Variants in RBM47 observed in about 807,000 individuals in gnomAD.
RBM47 encodes RNA-binding protein 47.
Under a neutral mutation model 47.1 loss-of-function variants are expected in RBM47, and 21 were observed. That is an observed-to-expected ratio of 0.45 (90% CI 0.32 to 0.64). RBM47 has a LOEUF of 0.64. Ranked by LOEUF, RBM47 falls within the 30% of genes least tolerant of loss-of-function variation. The pLI, the probability that RBM47 is intolerant of heterozygous loss-of-function variation, is 0.05. For missense variants in RBM47, 708 were observed against 870.9 expected (o/e 0.81, Z 2.35); for synonymous variants, 375 against 361.7 (o/e 1.04, Z -0.42).
chr4:40,465,940 C>T (rs1469964754), intron 3 of RBM47, among the ~76,000 whole-genome samples: 1 of 152,084 alleles, frequency 6.6e-6, no homozygotes, highest in Non-Finnish European at 1.5e-5. Context: ...AACCCAGCCT[C>T]GTGTCACACA....
At chr4:40,532,721 T>C (rs565988155) in intron 2 of RBM47, among the ~76,000 whole-genome samples, 1 of 151,994 alleles carries the variant, frequency 6.6e-6, no homozygotes, top group Admixed American at 6.6e-5. Flanking sequence ...CCACTTCTTA[T>C]TGGAGTCTAA....
chr4:40,541,485 C>A (rs897210254), intron 2 of RBM47, among the ~76,000 whole-genome samples: 2 of 152,086 alleles, frequency 1.3e-5, no homozygotes, highest in Non-Finnish European at 2.9e-5. Context: ...GCCTGTAATC[C>A]CAGCACTTTG....
At chr4:40,484,460 T>G (rs1200478953) in intron 2 of RBM47, among the ~76,000 whole-genome samples, 1 of 151,984 alleles carries the variant, frequency 6.6e-6, no homozygotes, top group Non-Finnish European at 1.5e-5. Context: ...GTTTCCTAGC[T>G]GACACCTTTC....
chr4:40,519,458 C>T (rs1045000971), intron 2 of RBM47, among the ~76,000 whole-genome samples: 27 of 151,506 alleles, frequency 1.8e-4, no homozygotes, highest in African/African-American at 3.9e-4. Context: ...CCACCACACC[C>T]GGCTAATTTT....
In RBM47 at chr4:40,573,805, GA is replaced by G. The variant is rs771104130; in HGVS notation, c.-239-29300del. Among the ~76,000 whole-genome samples the G allele has an allele frequency of 3.5e-3, 162 of 46,538 alleles. 1 individual carries two copies. The highest frequency in any genetic ancestry group is 9.3e-3 in the Middle Eastern group (1 of 108). 30.5% of individuals were successfully genotyped at this position (46,538 alleles called of 152,430 possible). A position where few individuals can be genotyped will look rare whatever the true frequency, so the allele number is the denominator to read the frequency against. On this transcript the variant is annotated intron_variant, in intron 1 of 6. Coordinates refer to ENST00000295971, the MANE Select transcript of RBM47 (RefSeq NM_001098634.2). ...AGAAAGAGAGAGAGAGAGAAAGAAA[GA>G]AAAAGAAAGAAAGAAAGAAAGAAAG...
At chr4:40,431,419 G>A in intron 6 of RBM47, among the ~76,000 whole-genome samples, 1 of 152,186 alleles carries the variant, frequency 6.6e-6, no homozygotes, top group South Asian at 2.1e-4. Context: ...AGCACTTTGG[G>A]AGGCCAAGGT....
intron 3 of RBM47, among the ~76,000 whole-genome samples, chr4:40,445,981 C>A (rs749005040): frequency 2.0e-5 from 3 of 152,214 alleles, no homozygotes; most frequent in Non-Finnish European, 4.4e-5. Context: ...ACTGGGCATT[C>A]TGGTTTAGGC....
intron 2 of RBM47, among the ~76,000 whole-genome samples, chr4:40,519,659 C>CTTTT (rs35250968): frequency 1.7e-4 from 16 of 96,290 alleles, no homozygotes; most frequent in South Asian, 3.8e-4. Context: ...CCCTACCCTC[C>CTTTT]TTTTTTTTTT....
intron 2 of RBM47, among the ~76,000 whole-genome samples, chr4:40,492,621 T>G (rs1209591517): frequency 6.6e-6 from 1 of 152,208 alleles, no homozygotes; most frequent in South Asian, 2.1e-4. Flanking sequence ...AACCTCACCA[T>G]GCAGAATTAT....
intron 1 of RBM47, among the ~76,000 whole-genome samples, chr4:40,549,115 G>GC (rs1408939359): frequency 6.7e-6 from 1 of 150,198 alleles, no homozygotes; most frequent in East Asian, 1.9e-4. Context: ...TTTTTGGGGG[G>GC]GGGGACACAG....
chr4:40,560,270 TG>T (rs1468219837), intron 1 of RBM47, among the ~76,000 whole-genome samples: 2 of 152,204 alleles, frequency 1.3e-5, no homozygotes, highest in Non-Finnish European at 2.9e-5. Flanking sequence ...ATGCTTTCTG[TG>T]CTGCCTAAGG....
intron 3 of RBM47, among the ~76,000 whole-genome samples, chr4:40,464,372 C>G (rs1002559969): frequency 9.2e-5 from 14 of 152,132 alleles, no homozygotes; most frequent in Admixed American, 4.6e-4. Context: ...ATATATAATA[C>G]ATACCTATGA....
intron 1 of RBM47, among the ~76,000 whole-genome samples, chr4:40,564,617 A>G (rs1730929804): frequency 6.6e-6 from 1 of 152,248 alleles, no homozygotes; most frequent in African/African-American, 2.4e-5. Context: ...ATCATCAAAC[A>G]TGAAGCAATA....
chr4:40,588,992 CTTTTTTTTTTTTT>C (rs34195998), intron 1 of RBM47, among the ~76,000 whole-genome samples: 19 of 79,446 alleles, frequency 2.4e-4, no homozygotes, highest in Admixed American at 1.8e-3. Context: ...TAAAGCGTTT[CTTTTTTTTTTTTT>C]TTTTTTTTTT....
Position 40,468,882 on chromosome 4 carries a change from A to G in RBM47, c.-154-2183T>C, listed in dbSNP as rs61384352. Among the ~76,000 whole-genome samples, 594 of 152,362 alleles carry G rather than the reference A, an allele frequency of 3.9e-3. 6 individuals are homozygous for G. Among genetic ancestry groups the G allele is most frequent in the African/African-American group, 0.013 (552 of 41,584 alleles). On this transcript the variant is annotated intron_variant, in intron 2 of 6. Transcript: ENST00000295971. ...GATAATACCTAGTAATCAAGATCAT[A>G]GTGGTTGATAAAAACTACGAAAACG...
chr4:40,510,271 C>T (rs1425363422), intron 2 of RBM47, among the ~76,000 whole-genome samples: 1 of 151,060 alleles, frequency 6.6e-6, no homozygotes, highest in Non-Finnish European at 1.5e-5. Context: ...ACCATTGCTT[C>T]TGGATTGGAT....
At chr4:40,437,545 G>A (rs1712836739) in intron 4 of RBM47, among the ~76,000 whole-genome samples, 1 of 152,172 alleles carries the variant, frequency 6.6e-6, no homozygotes, top group Non-Finnish European at 1.5e-5. Context: ...ATATTCCTGT[G>A]ATTTTACCGC....
chr4:40,433,998 C>CGGGGGGGGGGGGG (rs138012744), intron 5 of RBM47, among the ~76,000 whole-genome samples: 1 of 42,116 alleles, frequency 2.4e-5, no homozygotes, highest in Non-Finnish European at 4.7e-5. Context: ...GTGTGTGGGG[C>CGGGGGGGGGGGGG]GGGGGTGTGT....
intron 1 of RBM47, among the ~76,000 whole-genome samples, chr4:40,552,596 T>G (rs901901754): frequency 3.3e-5 from 5 of 152,172 alleles, no homozygotes; most frequent in African/African-American, 9.6e-5. Context: ...CAATCTTTCT[T>G]TTTAAACACG....
Sources: allele counts gnomAD v4.1 joint callset (sites outside exome capture counted in the v4.1 genomes callset), GRCh38; gene constraint gnomAD v4.1.1; transcripts MANE v1.5; gene names NCBI Gene and HGNC (gene_info 2026-07-23, HGNC 2026-07-21).